The following MBNL1 variants were observed in gnomAD, a reference collection of about 807,000 sequenced individuals.
MBNL1 encodes muscleblind like splicing regulator 1, also known as muscleblind-like protein 1.
A neutral mutation model predicts 42.2 loss-of-function variants in MBNL1; 8 were observed. The observed-to-expected ratio is 0.19, with a 90% CI of 0.11 to 0.34. The LOEUF is 0.34. MBNL1 is among the 10% of genes least tolerant of loss of function. MBNL1 has a pLI of 1.00. For synonymous variants in MBNL1, 169 were observed against 173.9 expected (o/e 0.97, Z 0.22); for missense variants, 309 against 495.3 (o/e 0.62, Z 3.57).
intron 2 of MBNL1, among the ~76,000 whole-genome samples, chr3:152,390,488 T>C (rs2097662678): frequency 6.6e-6 from 1 of 151,986 alleles, no homozygotes; most frequent in African/African-American, 2.4e-5. Flanking sequence ...GTTTTACAGT[T>C]AACTTTTTTT....
At chr3:152,394,931 T>C (rs1477552232) in intron 2 of MBNL1, among the ~76,000 whole-genome samples, 3 of 152,192 alleles carry the variant, frequency 2.0e-5, no homozygotes, top group African/African-American at 4.8e-5. Context: ...CGATCTCGGC[T>C]CACTGCAATC....
chr3:152,266,435 CA>C (rs1173505767), upstream of MBNL1: 1 of 152,124 alleles, frequency 6.6e-6, no homozygotes, highest in Admixed American at 6.5e-5. Context: ...TAAGCAGGTT[CA>C]AAAGTCCTGT....
At position 152,387,599 on chromosome 3, in the gene MBNL1, T is replaced by C. The variant is rs547821891; in HGVS notation, c.175-27342T>C. Among the ~76,000 whole-genome samples the C allele has an allele frequency of 2.2e-4, 34 of 152,250 alleles. No individual in the cohort carries two copies. In the South Asian group the frequency reaches 6.6e-3, roughly 30 times the overall value. On this transcript the variant is annotated intron_variant, in intron 2 of 9. Transcript: ENST00000324210. ...AAGTGTTCCTTTCTCATATATCATC[T>C]TTGTCTCTTAAAACTGTCCTTACTG...
intron 4 of MBNL1, among the ~76,000 whole-genome samples, chr3:152,442,052 C>G (rs2099152426): frequency 6.6e-6 from 1 of 152,172 alleles, no homozygotes; most frequent in Admixed American, 6.5e-5. Context: ...CTCAGCCTCC[C>G]AAAGTACTGG....
intron 2 of MBNL1, among the ~76,000 whole-genome samples, chr3:152,406,888 A>G (rs1361930775): frequency 6.6e-6 from 1 of 152,170 alleles, no homozygotes; most frequent in African/African-American, 2.4e-5. Flanking sequence ...TAGATTATGC[A>G]CTGATGAAAA....
At chr3:152,275,579 C>T (rs913887039) in intron 1 of MBNL1, among the ~76,000 whole-genome samples, 1 of 151,782 alleles carries the variant, frequency 6.6e-6, no homozygotes, top group Non-Finnish European at 1.5e-5. Flanking sequence ...CATGGTGGCG[C>T]ATGCCTGTAA....
Position 152,464,609 on chromosome 3 carries a change from T to C in MBNL1, c.*2243T>C, listed in dbSNP as rs1341293611. ...GTATCCATTTCAAATGTTAAAATAT[T>C]GTTTAATATTTTTGAAATCCCTGAG... On this transcript the variant is annotated 3_prime_UTR_variant, in exon 10 of 10. Coordinates refer to ENST00000324210, the MANE Select transcript of MBNL1 (RefSeq NM_021038.5). 1.3e-5 allele frequency: 2 copies of C among 152,620 alleles called. No individual in the cohort carries two copies. Among genetic ancestry groups the C allele is most frequent in the African/African-American group, 4.8e-5 (2 of 41,452 alleles). 9.5% of individuals were successfully genotyped at this position (152,620 alleles called of 1,614,324 possible).
At chr3:152,302,026 A>G (rs2151589804) in intron 2 of MBNL1, 2 of 152,322 alleles carry the variant, frequency 1.3e-5, no homozygotes, top group Admixed American at 1.3e-4. Context: ...AAACATTGTG[A>G]AACATTACTA....
At chr3:152,298,538 T>C (rs1245039028) in intron 1 of MBNL1, among the ~76,000 whole-genome samples, 2 of 152,216 alleles carry the variant, frequency 1.3e-5, no homozygotes, top group African/African-American at 4.8e-5. Flanking sequence ...TGACTTCAGA[T>C]TTACCAGACA....
intron 3 of MBNL1, among the ~76,000 whole-genome samples, chr3:152,425,483 G>A (rs989749782): frequency 3.9e-5 from 6 of 151,914 alleles, no homozygotes; most frequent in Non-Finnish European, 5.9e-5. Context: ...TGGCACACAC[G>A]TGTAGTCCCA....
At chr3:152,404,016 C>CT in intron 2 of MBNL1, among the ~76,000 whole-genome samples, 1 of 152,204 alleles carries the variant, frequency 6.6e-6, no homozygotes, top group East Asian at 1.9e-4. Context: ...ATTGCCTCAC[C>CT]TTTTCTTCGT....
chr3:152,438,680 A>G (rs1445994598), intron 4 of MBNL1, among the ~76,000 whole-genome samples: 1 of 152,236 alleles, frequency 6.6e-6, no homozygotes, highest in Non-Finnish European at 1.5e-5. Flanking sequence ...TTTTTCTGCC[A>G]TGTGATTCTA....
chr3:152,461,965 C>G (rs1746822285), intron 9 of MBNL1, among the ~76,000 whole-genome samples: 3 of 151,918 alleles, frequency 2.0e-5, no homozygotes, highest in African/African-American at 7.2e-5. Flanking sequence ...AAGAATAAAT[C>G]TTGTTTAATA....
chr3:152,268,900 C>T (rs1237748400), upstream of MBNL1: 1 of 454,808 alleles, frequency 2.2e-6, no homozygotes, highest in Admixed American at 2.4e-5. Flanking sequence ...CAGACCTCGG[C>T]GATAAGAGGC....
At chr3:152,334,449 C>T (rs771004026) in intron 2 of MBNL1, among the ~76,000 whole-genome samples, 4 of 152,066 alleles carry the variant, frequency 2.6e-5, no homozygotes, top group African/African-American at 4.8e-5. Flanking sequence ...CTGGTTAAGT[C>T]GAACGCCACT....
chr3:152,259,632 C>CT (rs961596499), intron 2 of MBNL1, among the ~76,000 whole-genome samples: 3 of 152,190 alleles, frequency 2.0e-5, no homozygotes, highest in Admixed American at 2.0e-4. Context: ...CCAAAGACTG[C>CT]AACAGCAAGA....
chr3:152,259,113 C>A (rs1049580747), intron 2 of MBNL1, among the ~76,000 whole-genome samples: 6 of 152,174 alleles, frequency 3.9e-5, no homozygotes, highest in African/African-American at 1.4e-4. Context: ...AAGAAACCAG[C>A]TTCTTTTATA....
chr3:152,460,165 G>T (rs1742568466), intron 9 of MBNL1, among the ~76,000 whole-genome samples: 1 of 151,472 alleles, frequency 6.6e-6, no homozygotes, highest in Non-Finnish European at 1.5e-5. Flanking sequence ...AAAGTGGGAG[G>T]ATCACTTGAG....
chr3:152,330,455 A>G (rs1328987488), intron 2 of MBNL1, among the ~76,000 whole-genome samples: 1 of 152,178 alleles, frequency 6.6e-6, no homozygotes, highest in Non-Finnish European at 1.5e-5. Context: ...TTTTTATATC[A>G]GGAAAAAAAA....
Sources: allele counts gnomAD v4.1 joint callset (sites outside exome capture counted in the v4.1 genomes callset), GRCh38; gene constraint gnomAD v4.1.1; transcripts MANE v1.5; gene names NCBI Gene and HGNC (gene_info 2026-07-23, HGNC 2026-07-21).